KIN: variants seen among roughly 807,000 people sequenced by gnomAD.
KIN encodes the protein DNA/RNA-binding protein KIN17.
Under a neutral mutation model 63.0 loss-of-function variants are expected in KIN, and 47 were observed. The ratio of observed to expected loss-of-function variants is 0.75; its 90% CI spans 0.59 to 0.95. The LOEUF (loss-of-function observed/expected upper bound fraction) is 0.95, where lower values mean the gene tolerates loss of function less well. Ranked by LOEUF, KIN falls within the 40% of genes least tolerant of loss-of-function variation. The pLI is 0.00. For synonymous variants in KIN, 160 were observed against 157.7 expected (o/e 1.01, Z -0.11); for missense variants, 408 against 460.9 (o/e 0.89, Z 1.05).
chr10:7,765,634 C>A (rs1200365877), intron 9 of KIN, among the ~76,000 whole-genome samples: 3 of 151,938 alleles, frequency 2.0e-5, no homozygotes, highest in Non-Finnish European at 4.4e-5. Context: ...GAAATTAAAG[C>A]CTGCTTTTCT....
chr10:7,764,257 C>A (rs1298117698), intron 9 of KIN, among the ~76,000 whole-genome samples: 2 of 152,172 alleles, frequency 1.3e-5, no homozygotes, highest in Non-Finnish European at 2.9e-5. Flanking sequence ...TCTCACTATG[C>A]CCCTTTCTCA....
In KIN at chr10:7,787,923, G is replaced by C; in HGVS notation, c.11C>G (p.Ser4Trp). 1 of 1,612,796 alleles carries C rather than the reference G, an allele frequency of 6.2e-7. No individual in the cohort carries two copies. The highest frequency in any genetic ancestry group is 1.7e-5 in the Admixed American group (1 of 60,024). The change falls in exon 1 of 13, where the codon TCG becomes TGG. Residue 4 changes from serine to tryptophan, a missense_variant. Coordinates refer to ENST00000379562, the MANE Select transcript of KIN (RefSeq NM_012311.4). MGK[S>W]DFLTPKAIAN... ...GATAGCCTTGGGAGTAAGAAAATCC[G>C]ACTTCCCCATGGCGACCACGGCAGC... is the stretch of plus-strand genomic sequence containing the variant.
At chr10:7,766,912 C>A (rs1340350334) in intron 8 of KIN, among the ~76,000 whole-genome samples, 1 of 151,432 alleles carries the variant, frequency 6.6e-6, no homozygotes, top group African/African-American at 2.4e-5. Flanking sequence ...GTCCCAGCTA[C>A]TTGGGAGGCT....
rs1202227576 is a variant in KIN at position 7,755,775 on chromosome 10, A to G, written c.*305T>C. 5.3e-6 allele frequency: 1 copy of G among 189,216 alleles called. No individual in the cohort carries two copies. The highest frequency in any genetic ancestry group is 1.1e-5 in the Non-Finnish European group (1 of 93,002). 11.7% of individuals were successfully genotyped at this position (189,216 alleles called of 1,614,324 possible). ...AGTGTATGAAGGATTTCCTCCAATT[A>G]CATGATTCTAAATTGTCATAGATAA... On this transcript the variant is annotated 3_prime_UTR_variant, in exon 13 of 13. Coordinates refer to ENST00000379562, the MANE Select transcript of KIN (RefSeq NM_012311.4).
At chr10:7,787,475 A>AAGTC in intron 1 of KIN, among the ~76,000 whole-genome samples, 5 of 152,188 alleles carry the variant, frequency 3.3e-5, no homozygotes, top group Non-Finnish European at 7.3e-5. Flanking sequence ...CAAGTCAAGT[A>AAGTC]AGAGCTGATG....
chr10:7,754,418 A>AGACT lies in KIN; in HGVS notation c.*1661_*1662insAGTC, dbSNP rs1463338986. 2 of 201,620 alleles carry AGACT rather than the reference A, an allele frequency of 9.9e-6. No homozygotes were observed. The highest frequency in any genetic ancestry group is 4.7e-5 in the African/African-American group (2 of 42,388). 12.5% of individuals were successfully genotyped at this position (201,620 alleles called of 1,614,324 possible). On this transcript the variant is annotated 3_prime_UTR_variant, in exon 13 of 13. Transcript: ENST00000379562. ...GGGAGGCTGAGGCGGGCAGATCATA[A>AGACT]GGTCAAGAGATCGAGACCATCCTGG... is the stretch of plus-strand genomic sequence containing the variant.
intron 6 of KIN, 58 bp downstream of exon 6, chr10:7,775,693 C>A: frequency 1.1e-6 from 1 of 909,106 alleles, no homozygotes. Context: ...GCATTTTTAA[C>A]AAAGCCAATA....
chr10:7,773,719 C>T (rs1167386129), intron 7 of KIN, among the ~76,000 whole-genome samples: 1 of 151,946 alleles, frequency 6.6e-6, no homozygotes, highest in East Asian at 1.9e-4. Context: ...CAAACAAACC[C>T]GAAAAACTTA....
At position 7,753,933 on chromosome 10, in the gene KIN, C is replaced by T. The variant is rs74121646; in HGVS notation, c.*2147G>A. On this transcript the variant is annotated 3_prime_UTR_variant, in exon 13 of 13. Transcript: ENST00000379562. ...TGACTCTCAGTTAAAGAGAGAGATC[C>T]CAGGGTTTGGCACCATACCTGTGTC... The T allele has an allele frequency of 3.2e-3, 1,277 of 400,680 alleles. 11 individuals are homozygous for T. Among genetic ancestry groups the T allele is most frequent in the African/African-American group, 0.024 (1,189 of 48,536 alleles). 24.8% of individuals were successfully genotyped at this position (400,680 alleles called of 1,614,324 possible). A position where few individuals can be genotyped will look rare whatever the true frequency, so the allele number is the denominator to read the frequency against.
chr10:7,785,617 A>C (rs1835985726), intron 1 of KIN, among the ~76,000 whole-genome samples: 1 of 152,096 alleles, frequency 6.6e-6, no homozygotes, highest in African/African-American at 2.4e-5. Context: ...ACGTGGCAAA[A>C]CTTCGCCTCT....
At chr10:7,761,826 G>GC (rs1472451796) in intron 11 of KIN, among the ~76,000 whole-genome samples, 8 of 152,032 alleles carry the variant, frequency 5.3e-5, no homozygotes, top group Non-Finnish European at 1.0e-4. Flanking sequence ...ACACAGTGAA[G>GC]CCCCGTCTTT....
intron 1 of KIN, among the ~76,000 whole-genome samples, chr10:7,783,586 C>T (rs190136697): frequency 4.3e-4 from 66 of 152,294 alleles, no homozygotes; most frequent in African/African-American, 1.5e-3. Context: ...AAACTACTTT[C>T]GCTCACTTTC....
chr10:7,762,433 TA>T, intron 11 of KIN, 23 bp downstream of exon 11: 1 of 1,382,400 alleles, frequency 7.2e-7, no homozygotes, highest in Non-Finnish European at 1.0e-6. Context: ...GCATATGTAT[TA>T]AATGGTCTGC....
rs1835401945 is a variant in KIN, at chr10:7,759,762, G to T, written c.1119+128C>A. On this transcript the variant is annotated intron_variant, in intron 12 of 12. Coordinates refer to ENST00000379562, the MANE Select transcript of KIN (RefSeq NM_012311.4). ...AGTCACTGGAGAAAATAAGCTTACA[G>T]ATTTCCAAATAGGATAGAAGGCTAA... The T allele has an allele frequency of 5.7e-6, 3 of 526,072 alleles. No individual in the cohort carries two copies. The South Asian group carries it at 8.7e-5, about 15-fold the overall frequency. The allele number at this position is 526,072 out of a possible 1,614,324, so 32.6% of individuals were successfully genotyped here.
chr10:7,772,065 G>A (rs1271349962), intron 7 of KIN, among the ~76,000 whole-genome samples: 4 of 152,030 alleles, frequency 2.6e-5, no homozygotes, highest in Non-Finnish European at 5.9e-5. Context: ...GCAAGAAAGG[G>A]CGAGACCCTA....
At chr10:7,766,169 T>C (rs767474495) in intron 8 of KIN, 66 bp from the exon 9 acceptor site, 9 of 1,120,746 alleles carry the variant, frequency 8.0e-6, no homozygotes, top group African/African-American at 1.6e-5. Flanking sequence ...AATACCATTC[T>C]ATTTAGCAAA....
chr10:7,776,542 C>T (rs899717164), intron 5 of KIN, among the ~76,000 whole-genome samples: 7 of 150,906 alleles, frequency 4.6e-5, no homozygotes, highest in South Asian at 2.1e-4. Flanking sequence ...ACGAGCCTGG[C>T]CAACTTGGTG....
At chr10:7,778,572 C>G (rs556326387) in intron 5 of KIN, among the ~76,000 whole-genome samples, 3 of 152,244 alleles carry the variant, frequency 2.0e-5, no homozygotes, top group Non-Finnish European at 2.9e-5. Flanking sequence ...AACCCTGTCT[C>G]TACTAACAAT....
chr10:7,772,342 T>C (rs1046427080), intron 7 of KIN, among the ~76,000 whole-genome samples: 1 of 152,140 alleles, frequency 6.6e-6, no homozygotes, highest in African/African-American at 2.4e-5. Flanking sequence ...AGGCAAGATA[T>C]GAATATGAGC....
Sources: allele counts gnomAD v4.1 joint callset (sites outside exome capture counted in the v4.1 genomes callset), GRCh38; gene constraint gnomAD v4.1.1; transcripts MANE v1.5; gene names NCBI Gene and HGNC (gene_info 2026-07-23, HGNC 2026-07-21).